The following ADPGK variants were observed in gnomAD, a reference collection of about 807,000 sequenced individuals.
ADPGK encodes ADP dependent glucokinase.
ADPGK carries 26 observed loss-of-function variants against 42.4 expected under a neutral mutation model. The ratio of observed to expected loss-of-function variants is 0.61; its 90% CI spans 0.45 to 0.85. ADPGK has a LOEUF of 0.85. ADPGK is among the 40% of genes least tolerant of loss of function. The pLI, the probability that ADPGK is intolerant of heterozygous loss-of-function variation, is 0.00. For synonymous variants in ADPGK, 267 were observed against 252.6 expected, an observed-to-expected ratio of 1.06 and a Z score of -0.54; for missense variants, 571 against 627.0, an observed-to-expected ratio of 0.91 and a Z score of 0.95.
chr15:72,775,151 T>A lies in ADPGK; in HGVS notation c.234-54A>T, dbSNP rs746168112. 9 of 1,483,692 alleles carry A rather than the reference T, an allele frequency of 6.1e-6. No homozygotes were observed. In the African/African-American group the frequency reaches 1.1e-4, roughly 18 times the overall value. The allele number at this position is 1,483,692 out of a possible 1,614,324, so 91.9% of individuals were successfully genotyped here. A position where few individuals can be genotyped will look rare whatever the true frequency, so the allele number is the denominator to read the frequency against. On this transcript the variant is annotated intron_variant, in intron 1 of 6. Transcript: ENST00000456471. ...GCAGCAGAAGCACCAAGTAGCCATT[T>A]TGCATTTAACAAAAGGAAAATGTTT...
intron 3 of ADPGK, among the ~76,000 whole-genome samples, chr15:72,766,127 A>G (rs932401283): frequency 2.6e-5 from 4 of 152,162 alleles, no homozygotes; most frequent in African/African-American, 9.7e-5. Flanking sequence ...AGCTGAGACT[A>G]TAAGCATGCG....
intron 1 of ADPGK, among the ~76,000 whole-genome samples, chr15:72,782,537 A>AAAC (rs971127743): frequency 6.6e-6 from 1 of 150,690 alleles, no homozygotes; most frequent in African/African-American, 2.4e-5. Context: ...CAAAAAAAAA[A>AAAC]AAAAAAAAAA....
At chr15:72,771,925 ATTAAT>A (rs759850169) in intron 2 of ADPGK, 80 bp from the exon 3 acceptor site, 64 of 1,192,028 alleles carry the variant, frequency 5.4e-5, no homozygotes, top group Non-Finnish European at 7.1e-5. Flanking sequence ...TATTTTAAAA[ATTAAT>A]TTATAGTCCA....
At chr15:72,756,547 A>C in intron 4 of ADPGK, 100 bp from the exon 5 acceptor site, 1 of 1,323,566 alleles carries the variant, frequency 7.6e-7, no homozygotes, top group African/African-American at 1.5e-5. Context: ...CCTTGGCTCC[A>C]AGCAGGCTGG....
intron 1 of ADPGK, among the ~76,000 whole-genome samples, chr15:72,782,553 A>C (rs888674478): frequency 6.6e-5 from 8 of 121,824 alleles, no homozygotes; most frequent in Admixed American, 1.7e-4. Context: ...AAAAAACCCC[A>C]AAATTATAGC....
chr15:72,755,538 A>G lies in ADPGK; in HGVS notation c.939+18T>C. On this transcript the variant is annotated intron_variant, in intron 6 of 6. Transcript: ENST00000456471. ...GCTCTATGAGGATCAGGGCCAAACG[A>G]TGGTCCCATGAGGTTACCTGATGGA... 1 of 1,593,740 alleles carries G rather than the reference A, an allele frequency of 6.3e-7. No individual in the cohort carries two copies. The highest frequency in any genetic ancestry group is 1.1e-5 in the South Asian group (1 of 90,308).
At chr15:72,782,938 A>G (rs1047428940) in intron 1 of ADPGK, 1 of 152,644 alleles carries the variant, frequency 6.6e-6, no homozygotes, top group African/African-American at 2.4e-5. Flanking sequence ...GGCGTGTTCA[A>G]TGCGTGGAAG....
At position 72,783,565 on chromosome 15, in the gene ADPGK, G is replaced by A; in HGVS notation, c.127C>T (p.Pro43Ser). Residue 43 changes from proline (P) to serine (S), a missense_variant, in exon 1 of 7, where the codon CCC becomes TCC. Around this residue, in one of 2 missense-constraint regions of ADPGK, gnomAD observed 137 missense variants for 104.2 expected, o/e 1.31. Transcript: ENST00000456471. ...ACGGGTCCCGGGGGCGCAGGCGCGG[G>A]CCCCAGACACAGCGAGCTCCAGAGA... ...RSLWSSLCLG[P>S]APAPPGPVSP... 6.6e-7 allele frequency: 1 copy of A among 1,509,352 alleles called. No homozygotes were observed. The highest frequency in any genetic ancestry group is 1.2e-5 in the South Asian group (1 of 81,228). 93.5% of individuals were successfully genotyped at this position (1,509,352 alleles called of 1,614,324 possible).
rs755454510 is a variant in ADPGK, at chr15:72,783,613, G to C, written c.79C>G (p.Leu27Val). The change falls in exon 1 of 7, where the codon CTG (leucine) becomes GTG (valine). Residue 27 changes from leucine (L) to valine (V), a missense_variant. Around this residue, in one of 2 missense-constraint regions of ADPGK, gnomAD observed 137 missense variants for 104.2 expected, o/e 1.31. Coordinates refer to ENST00000456471, the MANE Select transcript of ADPGK (RefSeq NM_001365225.1). ...VGCVFLLEPE[L>V]PGSALRSLWS... Reference sequence around the variant, plus strand: ...AGAGAGCGCAGCGCCGAGCCTGGCAGCTCTGGCTCCAGCAGGAAGACGCAG... The same window carrying C: ...AGAGAGCGCAGCGCCGAGCCTGGCACCTCTGGCTCCAGCAGGAAGACGCAG... 3 of 1,516,132 alleles carry C rather than the reference G, an allele frequency of 2.0e-6. No individual in the cohort carries two copies. The Middle Eastern group carries it at 6.2e-4, about 311-fold the overall frequency. The allele number at this position is 1,516,132 out of a possible 1,614,324, so 93.9% of individuals were successfully genotyped here.
chr15:72,769,520 T>C (rs565240590), intron 3 of ADPGK, among the ~76,000 whole-genome samples: 3 of 152,306 alleles, frequency 2.0e-5, no homozygotes, highest in Admixed American at 1.3e-4. Context: ...TAATTCTTTG[T>C]ATTTTTAGCT....
intron 3 of ADPGK, among the ~76,000 whole-genome samples, chr15:72,769,777 T>A (rs979154832): frequency 6.6e-6 from 1 of 152,226 alleles, no homozygotes; most frequent in Non-Finnish European, 1.5e-5. Flanking sequence ...GCTTGACTAC[T>A]TGGGTTCAAT....
At chr15:72,756,598 A>T (rs1330414343) in intron 4 of ADPGK, 151 bp from the exon 5 acceptor site, 1 of 762,342 alleles carries the variant, frequency 1.3e-6, no homozygotes. Context: ...GCCTAAGGTC[A>T]GCATGGCACT....
At chr15:72,783,327 T>C in intron 1 of ADPGK, 132 bp downstream of exon 1, 1 of 1,281,112 alleles carries the variant, frequency 7.8e-7, no homozygotes, top group Non-Finnish European at 9.8e-7. Flanking sequence ...CGTCCGACAC[T>C]TCTCGCCAAG....
Position 72,756,038 on chromosome 15 carries a change from G to C in ADPGK, c.840+213C>G, listed in dbSNP as rs1393477542. 3 of 701,720 alleles carry C rather than the reference G, an allele frequency of 4.3e-6. No homozygotes were observed. The African/African-American group carries it at 5.2e-5, about 12-fold the overall frequency. 43.5% of individuals were successfully genotyped at this position (701,720 alleles called of 1,614,324 possible). ...CAGGATGCAGAGGCTCAGGCAAGAA[G>C]ATGTTCTGCCCTGTCCTACTCAAGC... On this transcript the variant is annotated intron_variant, in intron 5 of 6. Transcript: ENST00000456471.
At chr15:72,771,635 C>G (rs1032050036) in intron 3 of ADPGK, 148 bp downstream of exon 3, 2 of 621,194 alleles carry the variant, frequency 3.2e-6, no homozygotes, top group Non-Finnish European at 5.5e-6. Flanking sequence ...CTATCTCCTA[C>G]TATTACTGCT....
chr15:72,759,324 T>C (rs771187008), intron 4 of ADPGK, among the ~76,000 whole-genome samples: 2 of 152,222 alleles, frequency 1.3e-5, no homozygotes, highest in Non-Finnish European at 2.9e-5. Context: ...CAGTAAAAAC[T>C]ATTACTCTTA....
chr15:72,774,334 C>T (rs1423805615), intron 2 of ADPGK, among the ~76,000 whole-genome samples: 1 of 152,140 alleles, frequency 6.6e-6, no homozygotes, highest in Admixed American at 6.5e-5. Context: ...CCAACCAAAA[C>T]TCAGCCTCAA....
At chr15:72,773,052 A>G (rs1454046816) in intron 2 of ADPGK, among the ~76,000 whole-genome samples, 1 of 152,006 alleles carries the variant, frequency 6.6e-6, no homozygotes, top group Non-Finnish European at 1.5e-5. Flanking sequence ...CCTAGGCCAC[A>G]CTGGAAGAAT....
intron 2 of ADPGK, among the ~76,000 whole-genome samples, 199 bp from the exon 3 acceptor site, chr15:72,772,044 G>C (rs1238924185): frequency 6.6e-6 from 1 of 152,152 alleles, no homozygotes; most frequent in Non-Finnish European, 1.5e-5. Flanking sequence ...AAAATAAATA[G>C]GACAACCATG....
Sources: allele counts gnomAD v4.1 joint callset (sites outside exome capture counted in the v4.1 genomes callset), GRCh38; gene constraint gnomAD v4.1.1; regional missense constraint gnomAD v4.1.1; transcripts MANE v1.5; gene names NCBI Gene and HGNC (gene_info 2026-07-23, HGNC 2026-07-21).